TFAP2D: variants seen among roughly 807,000 people sequenced by gnomAD.
TFAP2D encodes the protein transcription factor AP-2 delta.
Under a neutral mutation model 43.6 loss-of-function variants are expected in TFAP2D, and 9 were observed. The ratio of observed to expected loss-of-function variants is 0.21; its 90% CI spans 0.12 to 0.36. The LOEUF (loss-of-function observed/expected upper bound fraction) is 0.36, where lower values mean the gene tolerates loss of function less well. Ranked by LOEUF, TFAP2D falls within the 10% of genes least tolerant of loss-of-function variation. The probability of loss-of-function intolerance (pLI) is 1.00; values close to 1 mark genes in which losing one functional copy is unlikely to be tolerated. For synonymous variants in TFAP2D, 256 were observed against 224.9 expected (o/e 1.14, Z -1.24); for missense variants, 513 against 561.4 (o/e 0.91, Z 0.87).
rs557940152 is a variant in TFAP2D at position 50,772,998 on chromosome 6, T to A, written c.*134T>A. On this transcript the variant is annotated 3_prime_UTR_variant, in exon 8 of 8. Coordinates refer to ENST00000008391, the MANE Select transcript of TFAP2D (RefSeq NM_172238.4). ...CCAACCCTCCATAAAAAAACAAAAATGGAAATGAAAAATGAAACAAAAAAG... is the reference window on the plus strand; with the variant it reads ...CCAACCCTCCATAAAAAAACAAAAAAGGAAATGAAAAATGAAACAAAAAAG... 1,850 of 699,982 alleles carry A rather than the reference T, an allele frequency of 2.6e-3. 5 individuals carry two copies. Among genetic ancestry groups the A allele is most frequent in the Admixed American group, 5.4e-3 (117 of 21,736 alleles). The allele number at this position is 699,982 out of a possible 1,614,324, so 43.4% of individuals were successfully genotyped here. A position where few individuals can be genotyped will look rare whatever the true frequency, so the allele number is the denominator to read the frequency against.
At chr6:50,741,169 T>G (rs887054238) in intron 5 of TFAP2D, among the ~76,000 whole-genome samples, 1 of 152,170 alleles carries the variant, frequency 6.6e-6, no homozygotes, top group Admixed American at 6.6e-5. Flanking sequence ...TTCATGGTTT[T>G]CACTTTTTTA....
chr6:50,733,237 C>T (rs1006736015), intron 5 of TFAP2D, among the ~76,000 whole-genome samples: 16 of 151,910 alleles, frequency 1.1e-4, no homozygotes, highest in African/African-American at 3.1e-4. Context: ...TTGAGTCCCA[C>T]GAAAGCAATA....
intron 3 of TFAP2D, among the ~76,000 whole-genome samples, chr6:50,723,070 A>G (rs926573834): frequency 1.3e-5 from 2 of 152,096 alleles, no homozygotes; most frequent in East Asian, 3.9e-4. Context: ...TATGATCTGA[A>G]CTCTGCACGT....
intron 5 of TFAP2D, among the ~76,000 whole-genome samples, chr6:50,739,191 A>T (rs1769003464): frequency 6.6e-6 from 1 of 152,046 alleles, no homozygotes; most frequent in Non-Finnish European, 1.5e-5. Context: ...CATTTACATT[A>T]GGTATATCTC....
chr6:50,723,693 G>A (rs1768765133), intron 3 of TFAP2D, among the ~76,000 whole-genome samples: 1 of 152,046 alleles, frequency 6.6e-6, no homozygotes, highest in Non-Finnish European at 1.5e-5. Context: ...AATCTTTGTG[G>A]GCGTTGGGGG....
intron 5 of TFAP2D, among the ~76,000 whole-genome samples, chr6:50,741,036 G>A (rs1769036985): frequency 6.6e-6 from 1 of 151,924 alleles, no homozygotes; most frequent in South Asian, 2.1e-4. Context: ...GCTATGTTCT[G>A]AAATTTATTT....
At chr6:50,747,575 G>C (rs527832669) in intron 6 of TFAP2D, among the ~76,000 whole-genome samples, 1 of 152,144 alleles carries the variant, frequency 6.6e-6, no homozygotes, top group South Asian at 2.1e-4. Flanking sequence ...CCCAGGAATG[G>C]TTTTGGAAGT....
chr6:50,728,807 T>A, intron 3 of TFAP2D, 49 bp from the exon 4 acceptor site: 1 of 1,592,454 alleles, frequency 6.3e-7, no homozygotes, highest in Non-Finnish European at 8.6e-7. Flanking sequence ...CTCATGCAGT[T>A]AGCTTCTTTC....
chr6:50,743,454 T>C (rs1259319288), intron 5 of TFAP2D, among the ~76,000 whole-genome samples: 2 of 152,058 alleles, frequency 1.3e-5, no homozygotes, highest in Non-Finnish European at 2.9e-5. Context: ...TAATTACGGC[T>C]CACTACAGTC....
intron 7 of TFAP2D, among the ~76,000 whole-genome samples, chr6:50,758,366 C>T (rs1336647309): frequency 6.6e-6 from 1 of 151,960 alleles, no homozygotes; most frequent in Non-Finnish European, 1.5e-5. Flanking sequence ...TAATAGACTG[C>T]TCTCTATCTT....
At chr6:50,720,333 A>G (rs1482376178) in intron 3 of TFAP2D, among the ~76,000 whole-genome samples, 1 of 152,144 alleles carries the variant, frequency 6.6e-6, no homozygotes, top group African/African-American at 2.4e-5. Flanking sequence ...TTACATCCCA[A>G]TGTCCAATGT....
chr6:50,739,537 C>A (rs1769008552), intron 5 of TFAP2D, among the ~76,000 whole-genome samples: 1 of 152,018 alleles, frequency 6.6e-6, no homozygotes, highest in South Asian at 2.1e-4. Flanking sequence ...AAGCAAATTT[C>A]TAGGTTATGG....
At chr6:50,750,233 CTG>C in intron 6 of TFAP2D, among the ~76,000 whole-genome samples, 1 of 151,976 alleles carries the variant, frequency 6.6e-6, no homozygotes, top group East Asian at 1.9e-4. Flanking sequence ...ACTTCTATAC[CTG>C]TCTTTGTTTA....
intron 5 of TFAP2D, among the ~76,000 whole-genome samples, chr6:50,742,595 TA>T (rs935933471): frequency 8.0e-5 from 12 of 150,806 alleles, no homozygotes; most frequent in Non-Finnish European, 1.3e-4. Context: ...GATAGATAGA[TA>T]GATAGATAGA....
At chr6:50,741,984 C>T (rs1314764717) in intron 5 of TFAP2D, among the ~76,000 whole-genome samples, 1 of 152,008 alleles carries the variant, frequency 6.6e-6, no homozygotes, top group Non-Finnish European at 1.5e-5. Context: ...TTTATTTTCC[C>T]AAATCAGTCA....
intron 7 of TFAP2D, among the ~76,000 whole-genome samples, chr6:50,758,157 T>A (rs1561940515): frequency 6.6e-6 from 1 of 151,860 alleles, no homozygotes; most frequent in African/African-American, 2.4e-5. Flanking sequence ...CTTAGAAATA[T>A]ACCCTCTTAC....
chr6:50,744,413 C>A (rs930446336), intron 5 of TFAP2D, among the ~76,000 whole-genome samples: 2 of 151,218 alleles, frequency 1.3e-5, no homozygotes. Context: ...TATATATGTA[C>A]TACATTTGTT....
chr6:50,766,419 G>A (rs945619869), intron 7 of TFAP2D, among the ~76,000 whole-genome samples: 17 of 152,022 alleles, frequency 1.1e-4, no homozygotes, highest in African/African-American at 4.1e-4. Context: ...AATTTTGGTA[G>A]GGGTTGCACT....
chr6:50,770,310 G>A (rs930091732), intron 7 of TFAP2D, among the ~76,000 whole-genome samples: 2 of 152,188 alleles, frequency 1.3e-5, no homozygotes, highest in Non-Finnish European at 2.9e-5. Context: ...GCAGAGGTGT[G>A]GATATAGTAG....
Sources: allele counts gnomAD v4.1 joint callset (sites outside exome capture counted in the v4.1 genomes callset), GRCh38; gene constraint gnomAD v4.1.1; transcripts MANE v1.5; gene names NCBI Gene and HGNC (gene_info 2026-07-23, HGNC 2026-07-21).